SHISA6: variants seen among roughly 807,000 people sequenced by gnomAD.
SHISA6 encodes protein shisa-6.
SHISA6 carries 22 observed loss-of-function variants against 47.9 expected under a neutral mutation model. The ratio of observed to expected loss-of-function variants is 0.46; its 90% CI spans 0.33 to 0.66. The LOEUF (loss-of-function observed/expected upper bound fraction) is 0.66. SHISA6 is among the 30% of genes least tolerant of loss of function. The pLI is 0.02. For missense variants in SHISA6, 680 were observed against 764.6 expected (o/e 0.89, Z 1.30); for synonymous variants, 388 against 337.8 (o/e 1.15, Z -1.63).
At chr17:11,539,609 G>A (rs2071816479) in intron 3 of SHISA6, among the ~76,000 whole-genome samples, 1 of 152,250 alleles carries the variant, frequency 6.6e-6, no homozygotes, top group African/African-American at 2.4e-5. Flanking sequence ...AGGCAAGGGT[G>A]CATGTGCTGC....
At chr17:11,398,164 G>A (rs1157843368) in intron 3 of SHISA6, among the ~76,000 whole-genome samples, 1 of 151,922 alleles carries the variant, frequency 6.6e-6, no homozygotes, top group African/African-American at 2.4e-5. Context: ...GTTTGGATTT[G>A]GAGTCTCATT....
intron 2 of SHISA6, among the ~76,000 whole-genome samples, chr17:11,283,988 T>C (rs1042277158): frequency 2.6e-5 from 4 of 152,182 alleles, no homozygotes; most frequent in Admixed American, 6.5e-5. Flanking sequence ...TAAGTTTTCC[T>C]TGTTTGGAAA....
chr17:11,262,089 G>GT (rs1177645694), intron 1 of SHISA6, among the ~76,000 whole-genome samples: 11 of 152,292 alleles, frequency 7.2e-5, no homozygotes, highest in East Asian at 3.9e-4. Context: ...TTTTGAGTTA[G>GT]TTTTTTATAT....
intron 2 of SHISA6, chr17:11,290,761 A>G (rs1165066071): frequency 6.6e-6 from 1 of 152,064 alleles, no homozygotes; most frequent in African/African-American, 2.4e-5. Flanking sequence ...GCATTATGCC[A>G]TGGAAATTGC....
intron 2 of SHISA6, among the ~76,000 whole-genome samples, chr17:11,310,802 G>T (rs1427752690): frequency 6.6e-6 from 1 of 151,624 alleles, no homozygotes; most frequent in Non-Finnish European, 1.5e-5. Context: ...GTGAAACCTG[G>T]TCTCTACTAA....
chr17:11,483,538 A>G (rs996989250), intron 3 of SHISA6, among the ~76,000 whole-genome samples: 2 of 152,218 alleles, frequency 1.3e-5, no homozygotes, highest in Non-Finnish European at 2.9e-5. Flanking sequence ...GAACAAAAAA[A>G]CACCAGGTGA....
rs548471983 is a variant in SHISA6, at chr17:11,554,702, C to T, written c.953-1038C>T. On this transcript the variant is annotated intron_variant, in intron 4 of 5. Transcript: ENST00000441885. Reference sequence around the variant, plus strand: ...CTTCTGGGAATGGTACCACCATTTCCCATGGCAGCCACTCATTGACTTGTT... The same window carrying T: ...CTTCTGGGAATGGTACCACCATTTCTCATGGCAGCCACTCATTGACTTGTT... 4.6e-5 allele frequency among the ~76,000 whole-genome samples: 7 copies of T among 152,228 alleles called. No homozygotes were observed. In the East Asian group the frequency reaches 1.4e-3, roughly 29 times the overall value.
chr17:11,323,669 AAAT>A (rs60694925), intron 2 of SHISA6, among the ~76,000 whole-genome samples: 14,251 of 131,906 alleles, frequency 0.11, 1,228 homozygotes, highest in African/African-American at 0.24. Context: ...TAAATAAATA[AAAT>A]AATAATAATA....
intron 3 of SHISA6, among the ~76,000 whole-genome samples, chr17:11,551,613 TCTC>T (rs575539848): frequency 2.0e-3 from 301 of 152,124 alleles, no homozygotes; most frequent in Admixed American, 5.0e-3. Context: ...TCTCCATCCT[TCTC>T]CTCTTCCACC....
At chr17:11,422,597 C>A (rs1914479732) in intron 3 of SHISA6, among the ~76,000 whole-genome samples, 1 of 152,126 alleles carries the variant, frequency 6.6e-6, no homozygotes, top group South Asian at 2.1e-4. Flanking sequence ...TGTATCTCTA[C>A]TAAAAAATAC....
At chr17:11,257,107 T>C (rs1439398519) in intron 1 of SHISA6, among the ~76,000 whole-genome samples, 5 of 152,178 alleles carry the variant, frequency 3.3e-5, no homozygotes, top group Admixed American at 6.5e-5. Context: ...CCACAGCCGT[T>C]CTGAGCCTCT....
chr17:11,244,314 G>C (rs1907491725), intron 1 of SHISA6, among the ~76,000 whole-genome samples: 1 of 152,178 alleles, frequency 6.6e-6, no homozygotes, highest in Admixed American at 6.5e-5. Context: ...TGCCTGTTGG[G>C]TAGGGGACAA....
intron 3 of SHISA6, among the ~76,000 whole-genome samples, chr17:11,426,182 T>C (rs567315331): frequency 6.6e-6 from 1 of 152,300 alleles, no homozygotes; most frequent in East Asian, 1.9e-4. Flanking sequence ...AGAATTTCAG[T>C]CTTTTTCTTA....
chr17:11,344,335 C>T (rs1361073013), intron 2 of SHISA6, among the ~76,000 whole-genome samples: 1 of 152,098 alleles, frequency 6.6e-6, no homozygotes, highest in Non-Finnish European at 1.5e-5. Context: ...TGATGAAATA[C>T]ATTTTATGTA....
chr17:11,245,899 C>T (rs1907564434), intron 1 of SHISA6, among the ~76,000 whole-genome samples: 1 of 152,088 alleles, frequency 6.6e-6, no homozygotes, highest in African/African-American at 2.4e-5. Context: ...ACTCTTTCTC[C>T]CTCCAGAAAT....
intron 2 of SHISA6, among the ~76,000 whole-genome samples, chr17:11,298,671 G>T (rs1253680914): frequency 6.6e-6 from 1 of 152,194 alleles, no homozygotes; most frequent in Non-Finnish European, 1.5e-5. Flanking sequence ...TGATGATTCT[G>T]AAAGCAGTAC....
chr17:11,258,792 T>G (rs566342916), intron 1 of SHISA6, among the ~76,000 whole-genome samples: 1 of 152,234 alleles, frequency 6.6e-6, no homozygotes, highest in South Asian at 2.1e-4. Context: ...CTAAGGTGAA[T>G]AGCACTGAGC....
At chr17:11,325,376 C>A (rs754281109) in intron 2 of SHISA6, among the ~76,000 whole-genome samples, 1 of 152,238 alleles carries the variant, frequency 6.6e-6, no homozygotes, top group African/African-American at 2.4e-5. Context: ...TTACCCTCCC[C>A]ACTGCTGCGG....
At chr17:11,459,792 C>T (rs533254235) in intron 3 of SHISA6, among the ~76,000 whole-genome samples, 122 of 152,290 alleles carry the variant, frequency 8.0e-4, no homozygotes, top group Non-Finnish European at 1.4e-3. Flanking sequence ...GAACACATCA[C>T]GGGAACTAGT....
Sources: gnomAD v4.1 joint callset for allele counts (sites outside exome capture counted in the v4.1 genomes callset) on GRCh38, gnomAD v4.1.1 for gene constraint, MANE v1.5 for transcripts, NCBI Gene and HGNC (gene_info 2026-07-23, HGNC 2026-07-21) for gene names.